The following TMA16 variants were observed in gnomAD, a reference collection of about 807,000 sequenced individuals.
TMA16 encodes translation machinery associated 16 homolog.
A neutral mutation model predicts 27.1 loss-of-function variants in TMA16; 26 were observed. The observed-to-expected ratio is 0.96, with a 90% CI of 0.70 to 1.33. The LOEUF is 1.33. TMA16 is among the 40% of genes most tolerant of loss of function. The pLI, the probability that TMA16 is intolerant of heterozygous loss-of-function variation, is 0.00. For missense variants in TMA16, 233 were observed against 241.4 expected (o/e 0.97, Z 0.23); for synonymous variants, 71 against 81.9 (o/e 0.87, Z 0.72).
chr4:163,517,801 TCA>T (rs1376542092), intron 6 of TMA16, among the ~76,000 whole-genome samples: 1 of 152,140 alleles, frequency 6.6e-6, no homozygotes, highest in African/African-American at 2.4e-5. Context: ...ACGTGATGGC[TCA>T]GAGTCATATC....
intron 1 of TMA16, among the ~76,000 whole-genome samples, chr4:163,502,943 G>C (rs1737668363): frequency 6.6e-6 from 1 of 152,152 alleles, no homozygotes; most frequent in African/African-American, 2.4e-5. Context: ...CCACATATAT[G>C]ATGATGGTCC....
intron 4 of TMA16, 95 bp downstream of exon 4, chr4:163,514,253 G>C: frequency 2.1e-6 from 2 of 934,878 alleles, no homozygotes; most frequent in Middle Eastern, 2.2e-4. Context: ...ATTTGCAGAA[G>C]AGCAAATGGG....
Sources: gnomAD v4.1 joint callset for allele counts (sites outside exome capture counted in the v4.1 genomes callset) on GRCh38, gnomAD v4.1.1 for gene constraint, MANE v1.5 for transcripts, NCBI Gene and HGNC (gene_info 2026-07-23, HGNC 2026-07-21) for gene names.